The following CUX1 variants were observed in gnomAD, a reference collection of about 807,000 sequenced individuals.
The protein encoded by CUX1 is cut like homeobox 1, also known as protein CASP.
In CUX1, 31 loss-of-function variants were observed where a neutral mutation model predicts 158.8. The ratio of observed to expected loss-of-function variants is 0.20; its 90% CI spans 0.15 to 0.26. The LOEUF (loss-of-function observed/expected upper bound fraction) is 0.26. Among genes scored for constraint, CUX1 ranks in the 10% least tolerant of loss-of-function variants. The probability of loss-of-function intolerance (pLI) is 1.00; values close to 1 mark genes in which losing one functional copy is unlikely to be tolerated. For missense variants in CUX1, 1,589 were observed against 2,014.6 expected (o/e 0.79, Z 4.04); for synonymous variants, 879 against 862.1 (o/e 1.02, Z -0.34).
chr7:102,166,167 C>G (rs1203639768), intron 9 of CUX1, among the ~76,000 whole-genome samples: 1 of 152,212 alleles, frequency 6.6e-6, no homozygotes, highest in Admixed American at 6.5e-5. Flanking sequence ...CCGTGGCCAC[C>G]AGTCCCCTTG....
intron 14 of CUX1, among the ~76,000 whole-genome samples, chr7:102,263,688 A>G (rs1325837411): frequency 6.6e-6 from 1 of 151,132 alleles, no homozygotes; most frequent in African/African-American, 2.4e-5. Flanking sequence ...TGTTTAATTT[A>G]TTATCTTTTT....
At chr7:102,191,055 C>T (rs1794216214) in intron 12 of CUX1, among the ~76,000 whole-genome samples, 1 of 152,138 alleles carries the variant, frequency 6.6e-6, no homozygotes, top group Non-Finnish European at 1.5e-5. Context: ...TGCCTTCTCT[C>T]GCCTGGGACC....
Position 102,070,564 on chromosome 7 carries a change from C to T in CUX1, c.268+147C>T, listed in dbSNP as rs1447831422. ...CCCCAAGAAACCAGGGAGTGCAGGA[C>T]ACATGAATTCTTCACAACCCAGACT... On this transcript the variant is annotated intron_variant, in intron 4 of 23. Transcript: ENST00000292535. 3.2e-5 allele frequency: 20 copies of T among 619,534 alleles called. No homozygotes were observed. The South Asian group carries it at 3.5e-4, about 11-fold the overall frequency. 38.4% of individuals were successfully genotyped at this position (619,534 alleles called of 1,614,324 possible).
At chr7:102,280,943 C>G (rs112453696) in intron 20 of CUX1, 16 of 1,362,394 alleles carry the variant, frequency 1.2e-5, no homozygotes, top group Non-Finnish European at 1.6e-5. Flanking sequence ...CCCTGCAGCC[C>G]AGGCTGGAGG....
At chr7:101,921,385 A>G (rs1394478826) in intron 2 of CUX1, among the ~76,000 whole-genome samples, 1 of 152,212 alleles carries the variant, frequency 6.6e-6, no homozygotes, top group Non-Finnish European at 1.5e-5. Context: ...CTCATGAGAT[A>G]CAGTGGATTT....
chr7:102,103,053 C>G (rs1829952072), intron 5 of CUX1, among the ~76,000 whole-genome samples: 1 of 152,208 alleles, frequency 6.6e-6, no homozygotes, highest in South Asian at 2.1e-4. Flanking sequence ...TGTGAACCTG[C>G]AGTTGGTGGT....
chr7:102,050,684 TTTATTATTATTATTA>T (rs149429897), intron 3 of CUX1, among the ~76,000 whole-genome samples: 5 of 147,536 alleles, frequency 3.4e-5, no homozygotes, highest in African/African-American at 1.0e-4. Context: ...GTGAATTCTT[TTTATTATTATTATTA>T]TTATTATTAT....
At chr7:101,975,085 C>CACTA (rs1239034757) in intron 2 of CUX1, among the ~76,000 whole-genome samples, 2 of 151,592 alleles carry the variant, frequency 1.3e-5, no homozygotes, top group Non-Finnish European at 2.9e-5. Flanking sequence ...TCATCGTCCC[C>CACTA]ACTAAAAATA....
At chr7:102,225,229 C>G (rs2132324942) in intron 20 of CUX1, among the ~76,000 whole-genome samples, 1 of 152,236 alleles carries the variant, frequency 6.6e-6, no homozygotes, top group South Asian at 2.1e-4. Flanking sequence ...ACCTGATTTC[C>G]CAGGTCAAGG....
chr7:102,193,889 A>T lies in CUX1; in HGVS notation c.1124A>T (p.Gln375Leu), dbSNP rs781991579. The T allele has an allele frequency of 5.6e-6, 9 of 1,613,788 alleles. No individual in the cohort carries two copies. In the African/African-American group the frequency reaches 1.1e-4, roughly 19 times the overall value. ...EFAPSEGAGT[Q>L]DAAKPLEVLL... is the part of the protein sequence containing the mutation. Reference sequence around the variant, plus strand: ...GCACCGTCCGAGGGCGCTGGGACACAGGTACGTGTCTCACCTCAATGGTCA... The same window carrying T: ...GCACCGTCCGAGGGCGCTGGGACACTGGTACGTGTCTCACCTCAATGGTCA... Residue 375 changes from glutamine (Q) to leucine (L), a missense_variant and splice_region_variant, in exon 13 of 24, where the codon CAG becomes CTG. Physicochemically the swap from Gln to Leu is moderately radical, Grantham distance 113. Around this residue, in one of 8 missense-constraint regions of CUX1, gnomAD observed 515 missense variants for 574.4 expected, o/e 0.90. Transcript: ENST00000292535.
intron 8 of CUX1, among the ~76,000 whole-genome samples, chr7:102,141,056 C>T (rs1834402459): frequency 6.6e-6 from 1 of 152,066 alleles, no homozygotes; most frequent in South Asian, 2.1e-4. Context: ...CCAATGATGT[C>T]AGAGTGAAGG....
chr7:102,151,410 G>A (rs868940712), intron 8 of CUX1, among the ~76,000 whole-genome samples: 4 of 151,980 alleles, frequency 2.6e-5, no homozygotes, highest in East Asian at 3.9e-4. Context: ...AAAATTAGCC[G>A]GGTGTGGTGG....
In CUX1 at chr7:102,255,845, T is replaced by C. The variant is rs184193380; in HGVS notation, c.*6803T>C. On this transcript the variant is annotated 3_prime_UTR_variant, in exon 24 of 24. Coordinates refer to ENST00000292535, the MANE Select transcript of CUX1 (RefSeq NM_181552.4). Reference sequence around the variant, plus strand: ...TTCTTTTTTATTATTTTATTATTTTTTTTGTACTTTGCTTTAAACGGAAAG... The same window carrying C: ...TTCTTTTTTATTATTTTATTATTTTCTTTGTACTTTGCTTTAAACGGAAAG... The C allele has an allele frequency of 1.0e-6, 1 of 983,316 alleles. No individual in the cohort carries two copies. The highest frequency in any genetic ancestry group is 1.7e-5 in the African/African-American group (1 of 57,184). The allele number at this position is 983,316 out of a possible 1,614,324, so 60.9% of individuals were successfully genotyped here. A position where few individuals can be genotyped will look rare whatever the true frequency, so the allele number is the denominator to read the frequency against.
intron 1 of CUX1, among the ~76,000 whole-genome samples, chr7:101,912,807 A>G (rs954852636): frequency 6.6e-6 from 1 of 152,164 alleles, no homozygotes; most frequent in Non-Finnish European, 1.5e-5. Flanking sequence ...CCGACAGGGT[A>G]TTGCTGGGCA....
intron 4 of CUX1, among the ~76,000 whole-genome samples, chr7:102,096,103 T>C (rs1829148479): frequency 6.6e-6 from 1 of 152,258 alleles, no homozygotes; most frequent in Non-Finnish European, 1.5e-5. Context: ...GACCTTGAAT[T>C]GGCTGCAAGA....
intron 1 of CUX1, among the ~76,000 whole-genome samples, chr7:101,843,788 G>A (rs1795410355): frequency 6.6e-6 from 1 of 152,120 alleles, no homozygotes; most frequent in Non-Finnish European, 1.5e-5. Context: ...TGGCCCTCGG[G>A]TGTGCAGAAT....
intron 20 of CUX1, among the ~76,000 whole-genome samples, chr7:102,217,237 T>C (rs1797320867): frequency 6.6e-6 from 1 of 152,254 alleles, no homozygotes; most frequent in African/African-American, 2.4e-5. Flanking sequence ...AATTGTAATT[T>C]AAGCAGGGTT....
chr7:101,816,511 C>T (rs1181447776), upstream of CUX1, among the ~76,000 whole-genome samples: 4 of 139,304 alleles, frequency 2.9e-5, no homozygotes, highest in Admixed American at 2.1e-4. Context: ...GAGCGGGGAG[C>T]GGGCGGCGGG....
intron 2 of CUX1, among the ~76,000 whole-genome samples, chr7:101,990,728 A>C (rs1018750774): frequency 6.6e-6 from 1 of 152,010 alleles, no homozygotes; most frequent in Non-Finnish European, 1.5e-5. Flanking sequence ...TGGGGAAAAC[A>C]CTCTTGAGAC....
Sources: allele counts gnomAD v4.1 joint callset (sites outside exome capture counted in the v4.1 genomes callset), GRCh38; gene constraint gnomAD v4.1.1; regional missense constraint gnomAD v4.1.1; transcripts MANE v1.5; gene names NCBI Gene and HGNC (gene_info 2026-07-23, HGNC 2026-07-21).